Variants in WASF3 observed in about 807,000 individuals in gnomAD.
The protein encoded by WASF3 is WASP family member 3, also known as actin-binding protein WASF3.
WASF3 carries 11 observed loss-of-function variants against 46.6 expected under a neutral mutation model. The ratio of observed to expected loss-of-function variants is 0.24; its 90% CI spans 0.15 to 0.39. The LOEUF (loss-of-function observed/expected upper bound fraction) is 0.39. Among genes scored for constraint, WASF3 ranks in the 10% least tolerant of loss-of-function variants. WASF3 has a pLI of 1.00. For synonymous variants in WASF3, 242 were observed against 259.7 expected, an observed-to-expected ratio of 0.93 and a Z score of 0.65; for missense variants, 576 against 669.8, an observed-to-expected ratio of 0.86 and a Z score of 1.55.
intron 9 of WASF3, among the ~76,000 whole-genome samples, chr13:26,683,540 G>A (rs1208527285): frequency 6.6e-6 from 1 of 151,556 alleles, no homozygotes; most frequent in Non-Finnish European, 1.5e-5. Flanking sequence ...CCCAATAACT[G>A]AAGTGATCGA....
rs577202942 is a variant in WASF3, at chr13:26,562,433, T to A, written c.-109+4614T>A. Among the ~76,000 whole-genome samples the A allele has an allele frequency of 4.6e-5, 7 of 151,584 alleles. No individual in the cohort carries two copies. The East Asian group carries it at 1.4e-3, about 29-fold the overall frequency. Reference sequence around the variant, plus strand: ...GTTTGTATCAGGATTTAATAGTGAGTGAGAGTGAGGGAGTGGAGCCCAGCA... The same window carrying A: ...GTTTGTATCAGGATTTAATAGTGAGAGAGAGTGAGGGAGTGGAGCCCAGCA... On this transcript the variant is annotated intron_variant, in intron 1 of 9. Coordinates refer to ENST00000335327, the MANE Select transcript of WASF3 (RefSeq NM_006646.6).
chr13:26,676,331 G>A (rs1462832633), intron 6 of WASF3, among the ~76,000 whole-genome samples: 2 of 152,216 alleles, frequency 1.3e-5, no homozygotes, highest in East Asian at 1.9e-4. Context: ...ACTCTTAACA[G>A]TTGTAGCAGG....
At chr13:26,646,867 A>G (rs1282457892) in intron 3 of WASF3, among the ~76,000 whole-genome samples, 2 of 152,204 alleles carry the variant, frequency 1.3e-5, no homozygotes, top group African/African-American at 4.8e-5. Context: ...TTACCTGATC[A>G]TTCTGATTCT....
intron 1 of WASF3, among the ~76,000 whole-genome samples, chr13:26,585,068 C>T (rs1880090578): frequency 6.8e-6 from 1 of 147,546 alleles, no homozygotes; most frequent in Non-Finnish European, 1.5e-5. Flanking sequence ...CCAAGCAATA[C>T]TGTGGAATGC....
At chr13:26,572,274 G>A (rs1385440432) in intron 1 of WASF3, among the ~76,000 whole-genome samples, 1 of 152,200 alleles carries the variant, frequency 6.6e-6, no homozygotes, top group East Asian at 1.9e-4. Context: ...TGACCTTAAT[G>A]AGAATGTGTG....
intron 1 of WASF3, among the ~76,000 whole-genome samples, chr13:26,603,911 G>C (rs1880717060): frequency 6.6e-6 from 1 of 152,240 alleles, no homozygotes; most frequent in Non-Finnish European, 1.5e-5. Context: ...ACAGGCCTCT[G>C]AAGGTAAATC....
At chr13:26,605,468 T>C (rs1024065051) in intron 1 of WASF3, among the ~76,000 whole-genome samples, 2 of 152,162 alleles carry the variant, frequency 1.3e-5, no homozygotes, top group African/African-American at 4.8e-5. Flanking sequence ...TCAGCTTTTC[T>C]AGTTGAAGTA....
chr13:26,572,636 G>A (rs1879673299), intron 1 of WASF3, among the ~76,000 whole-genome samples: 1 of 152,078 alleles, frequency 6.6e-6, no homozygotes, highest in African/African-American at 2.4e-5. Context: ...CACGATCTCG[G>A]CTCACTGCAA....
chr13:26,583,620 T>C (rs950698074), intron 1 of WASF3, among the ~76,000 whole-genome samples: 3 of 152,240 alleles, frequency 2.0e-5, no homozygotes, highest in Admixed American at 2.0e-4. Context: ...TTACTTGTTA[T>C]TTCTTTGAAC....
chr13:26,677,270 A>G lies in WASF3; in HGVS notation c.716+546A>G, dbSNP rs745613660. On this transcript the variant is annotated intron_variant, in intron 7 of 9. Transcript: ENST00000335327. Reference sequence around the variant, plus strand: ...GGCGTTTACTTAAAAATTTATTAGCAGTTAAGTAAAAATATTTCTTGCAGG... The same window carrying G: ...GGCGTTTACTTAAAAATTTATTAGCGGTTAAGTAAAAATATTTCTTGCAGG... Among the ~76,000 whole-genome samples the G allele has an allele frequency of 4.7e-4, 71 of 152,240 alleles. 1 individual carries two copies. Among genetic ancestry groups the G allele is most frequent in the Admixed American group, 6.5e-4 (10 of 15,294 alleles).
At chr13:26,670,037 C>A (rs980403801) in intron 5 of WASF3, among the ~76,000 whole-genome samples, 13 of 152,188 alleles carry the variant, frequency 8.5e-5, no homozygotes, top group African/African-American at 3.1e-4. Context: ...AATCATCCTA[C>A]TATAAAGACA....
At chr13:26,574,465 T>A (rs1879731760) in intron 1 of WASF3, among the ~76,000 whole-genome samples, 2 of 142,036 alleles carry the variant, frequency 1.4e-5, no homozygotes, top group South Asian at 4.3e-4. Context: ...TTTGTCTTGA[T>A]TTTTTTTTTG....
chr13:26,654,647 T>A (rs1882415206), intron 3 of WASF3, among the ~76,000 whole-genome samples: 2 of 152,258 alleles, frequency 1.3e-5, no homozygotes, highest in African/African-American at 4.8e-5. Context: ...ATGCTTAGAA[T>A]ATTGTAAAGA....
chr13:26,679,011 C>T lies in WASF3; in HGVS notation c.717-2043C>T, dbSNP rs540906178. On this transcript the variant is annotated intron_variant, in intron 7 of 9. Transcript: ENST00000335327. The surrounding 1 kb of genome is among the most constrained non-coding windows in gnomAD (Gnocchi z 4.8). ...CTCCCAGCCCTCTTCCTCCTCCTCC[C>T]GTGTCGGTGTCATCTCCGGCCCTCC... Among the ~76,000 whole-genome samples, 5 of 151,830 alleles carry T rather than the reference C, an allele frequency of 3.3e-5. No homozygotes were observed. In the South Asian group the frequency reaches 8.4e-4, roughly 25 times the overall value.
chr13:26,639,411 G>A lies in WASF3; in HGVS notation c.-10-2850G>A, dbSNP rs1463232162. ...AGAAATATATATGTAAATGTCTATG[G>A]CTGTACAATCAGCAAACATTTTTTG... On this transcript the variant is annotated intron_variant, in intron 2 of 9. Coordinates refer to ENST00000335327, the MANE Select transcript of WASF3 (RefSeq NM_006646.6). Among the ~76,000 whole-genome samples, 6 of 152,316 alleles carry A rather than the reference G, an allele frequency of 3.9e-5. No individual in the cohort carries two copies. The South Asian group carries it at 1.0e-3, about 26-fold the overall frequency.
At chr13:26,587,513 T>G (rs929407043) in intron 1 of WASF3, among the ~76,000 whole-genome samples, 5 of 152,180 alleles carry the variant, frequency 3.3e-5, no homozygotes, top group Non-Finnish European at 5.9e-5. Context: ...TGGAGGAGTA[T>G]TATTTTTGAA....
intron 2 of WASF3, among the ~76,000 whole-genome samples, chr13:26,620,338 A>G (rs1349512429): frequency 1.3e-5 from 2 of 152,192 alleles, no homozygotes; most frequent in Non-Finnish European, 2.9e-5. Flanking sequence ...TGAATCCCAC[A>G]TGTTCTGAGT....
chr13:26,609,475 CTTT>C (rs35809170), intron 1 of WASF3: 26 of 139,452 alleles, frequency 1.9e-4, no homozygotes, highest in Non-Finnish European at 1.9e-4. Context: ...TAGAAAAAGA[CTTT>C]TTTTTTTTTT....
At chr13:26,664,397 A>T (rs915630637) in intron 3 of WASF3, among the ~76,000 whole-genome samples, 2 of 152,186 alleles carry the variant, frequency 1.3e-5, no homozygotes, top group African/African-American at 4.8e-5. Flanking sequence ...TGCTTGCTGA[A>T]TTTTCAGAAA....
Sources: allele counts gnomAD v4.1 joint callset (sites outside exome capture counted in the v4.1 genomes callset), GRCh38; gene constraint gnomAD v4.1.1; non-coding constraint Gnocchi (gnomAD v3.1); transcripts MANE v1.5; gene names NCBI Gene and HGNC (gene_info 2026-07-23, HGNC 2026-07-21).